The following CACNA2D2 variants were observed in gnomAD, a reference collection of about 807,000 sequenced individuals.
The protein encoded by CACNA2D2 is calcium voltage-gated channel auxiliary subunit alpha2delta 2, also known as voltage-dependent calcium channel subunit alpha-2/delta-2.
A neutral mutation model predicts 166.4 loss-of-function variants in CACNA2D2; 48 were observed. That is an observed-to-expected ratio of 0.29 (90% CI 0.23 to 0.37). The LOEUF is 0.37. Among genes scored for constraint, CACNA2D2 ranks in the 10% least tolerant of loss-of-function variants. The pLI is 1.00. For missense variants in CACNA2D2, 1,122 were observed against 1,433.0 expected, an observed-to-expected ratio of 0.78 and a Z score of 3.50; for synonymous variants, 561 against 573.7, an observed-to-expected ratio of 0.98 and a Z score of 0.32.
At chr3:50,472,654 C>T (rs1450157320) in intron 2 of CACNA2D2, among the ~76,000 whole-genome samples, 2 of 152,188 alleles carry the variant, frequency 1.3e-5, no homozygotes, top group East Asian at 3.8e-4. Flanking sequence ...CCCAGCATTG[C>T]TCCCCCTGGA....
chr3:50,402,167 A>G lies in CACNA2D2; in HGVS notation c.406-7999T>C, dbSNP rs1706481276. On this transcript the variant is annotated intron_variant, in intron 3 of 37. Coordinates refer to ENST00000424201, the MANE Select transcript of CACNA2D2 (RefSeq NM_006030.4). ...AACTGGAACCACAATCAATACAGAA[A>G]GAGGTCGGGTGTGTCCTGGGACAGG... is the stretch of plus-strand genomic sequence containing the variant. Among the ~76,000 whole-genome samples the G allele has an allele frequency of 2.6e-5, 4 of 152,252 alleles. No individual in the cohort carries two copies. In the South Asian group the frequency reaches 8.3e-4, roughly 31 times the overall value.
At chr3:50,462,906 A>C (rs935257269) in intron 2 of CACNA2D2, among the ~76,000 whole-genome samples, 32 of 151,582 alleles carry the variant, frequency 2.1e-4, no homozygotes, top group African/African-American at 6.8e-4. Context: ...AAAAAGAGAG[A>C]GGGAGGCTGG....
chr3:50,379,926 C>G lies in CACNA2D2; in HGVS notation c.893+42G>C. Reference sequence around the variant, plus strand: ...AGGGCAGCAGAGTCTAGCCCATTGCCCGTCCCTGCCCCAGCCCCACTTGCC... The same window carrying G: ...AGGGCAGCAGAGTCTAGCCCATTGCGCGTCCCTGCCCCAGCCCCACTTGCC... On this transcript the variant is annotated intron_variant, in intron 9 of 37. Transcript: ENST00000424201. This position sits in a 1 kb window ranked among gnomAD's most constrained non-coding sequence, Gnocchi z 6.5. 1 of 1,613,732 alleles carries G rather than the reference C, an allele frequency of 6.2e-7. No homozygotes were observed. Among genetic ancestry groups the G allele is most frequent in the Non-Finnish European group, 8.5e-7 (1 of 1,179,784 alleles).
At chr3:50,498,247 C>A (rs977321133) in intron 1 of CACNA2D2, among the ~76,000 whole-genome samples, 1 of 152,176 alleles carries the variant, frequency 6.6e-6, no homozygotes, top group Non-Finnish European at 1.5e-5. Context: ...TAGCAACAAG[C>A]CCTTGAACGC....
intron 2 of CACNA2D2, among the ~76,000 whole-genome samples, chr3:50,435,766 C>T (rs953976509): frequency 2.6e-5 from 4 of 152,164 alleles, no homozygotes; most frequent in Admixed American, 6.5e-5. Context: ...CCCGCCACCC[C>T]CATCCCTCCC....
chr3:50,406,511 C>T (rs143200613), intron 3 of CACNA2D2, among the ~76,000 whole-genome samples: 1 of 151,794 alleles, frequency 6.6e-6, no homozygotes, highest in East Asian at 2.1e-4. Context: ...CTACTCCATT[C>T]ACCATCATCC....
chr3:50,363,601 G>A lies in CACNA2D2; in HGVS notation c.*1065C>T, dbSNP rs1036708840. ...CTGAGTGTGTAAGGGCCAGATTGGCGGAAGGATGGCCCAGCCAGGAGAGAC... is the reference window on the plus strand; with the variant it reads ...CTGAGTGTGTAAGGGCCAGATTGGCAGAAGGATGGCCCAGCCAGGAGAGAC... On this transcript the variant is annotated 3_prime_UTR_variant, in exon 38 of 38. Transcript: ENST00000424201. 4 of 257,690 alleles carry A rather than the reference G, an allele frequency of 1.6e-5. No homozygotes were observed. The highest frequency in any genetic ancestry group is 1.7e-4 in the South Asian group (1 of 5,846). 16.0% of individuals were successfully genotyped at this position (257,690 alleles called of 1,614,324 possible).
At chr3:50,471,063 C>T (rs1710071991) in intron 2 of CACNA2D2, among the ~76,000 whole-genome samples, 1 of 152,170 alleles carries the variant, frequency 6.6e-6, no homozygotes, top group Admixed American at 6.5e-5. Context: ...CCCGCGCTTC[C>T]CCACTGCCCC....
chr3:50,482,845 G>A (rs917830616), intron 1 of CACNA2D2, among the ~76,000 whole-genome samples: 6 of 152,210 alleles, frequency 3.9e-5, no homozygotes, highest in Non-Finnish European at 8.8e-5. Flanking sequence ...CCATGCAAAA[G>A]AGAAGACTCT....
chr3:50,461,160 G>A (rs1709568356), intron 2 of CACNA2D2, among the ~76,000 whole-genome samples: 1 of 152,180 alleles, frequency 6.6e-6, no homozygotes, highest in African/African-American at 2.4e-5. Flanking sequence ...GGTCAGTGTG[G>A]AATTTCTGAA....
At chr3:50,426,003 T>C (rs567708045) in intron 3 of CACNA2D2, among the ~76,000 whole-genome samples, 424 of 152,196 alleles carry the variant, frequency 2.8e-3, no homozygotes, top group Non-Finnish European at 4.7e-3. Context: ...AGGCCCTTGC[T>C]CATGCTCTGC....
At chr3:50,461,393 T>A (rs919322140) in intron 2 of CACNA2D2, among the ~76,000 whole-genome samples, 2 of 152,174 alleles carry the variant, frequency 1.3e-5, no homozygotes, top group African/African-American at 4.8e-5. Flanking sequence ...TTCTGAGACA[T>A]GACAGTCTCC....
intron 3 of CACNA2D2, among the ~76,000 whole-genome samples, chr3:50,410,765 G>A (rs535476667): frequency 2.0e-5 from 3 of 152,376 alleles, no homozygotes; most frequent in South Asian, 2.1e-4. Flanking sequence ...CAAACAAGGT[G>A]ATGTCAGAGG....
intron 2 of CACNA2D2, among the ~76,000 whole-genome samples, chr3:50,460,620 C>T (rs575722264): frequency 1.0e-3 from 159 of 152,024 alleles, no homozygotes; most frequent in Non-Finnish European, 1.8e-3. Flanking sequence ...TTTGGGAGGC[C>T]GAGACAGGAG....
intron 1 of CACNA2D2, among the ~76,000 whole-genome samples, chr3:50,502,768 T>C (rs1329320411): frequency 6.6e-6 from 1 of 152,166 alleles, no homozygotes; most frequent in Admixed American, 6.5e-5. Flanking sequence ...TGTGGAGATG[T>C]CCCTCACCTC....
chr3:50,473,762 T>C (rs1710193900), intron 2 of CACNA2D2, among the ~76,000 whole-genome samples: 2 of 152,152 alleles, frequency 1.3e-5, no homozygotes, highest in Non-Finnish European at 2.9e-5. Flanking sequence ...CCTCTTCCTC[T>C]AGAACTCTAC....
intron 2 of CACNA2D2, among the ~76,000 whole-genome samples, chr3:50,434,658 C>A (rs1444234903): frequency 1.3e-5 from 2 of 152,214 alleles, no homozygotes; most frequent in Non-Finnish European, 1.5e-5. Context: ...CCAGTTTAGG[C>A]TGGTCATTGT....
intron 1 of CACNA2D2, among the ~76,000 whole-genome samples, chr3:50,477,698 G>A (rs1340407593): frequency 6.6e-6 from 1 of 152,184 alleles, no homozygotes; most frequent in Non-Finnish European, 1.5e-5. Flanking sequence ...ATTTAAATAA[G>A]CCATGGGTCA....
chr3:50,372,383 C>A (rs998398594), intron 22 of CACNA2D2, among the ~76,000 whole-genome samples: 1 of 152,214 alleles, frequency 6.6e-6, no homozygotes, highest in African/African-American at 2.4e-5. Flanking sequence ...CGGGGCTCAG[C>A]AAAGCCTCTG....
Sources: gnomAD v4.1 joint callset for allele counts (sites outside exome capture counted in the v4.1 genomes callset) on GRCh38, gnomAD v4.1.1 for gene constraint, Gnocchi (gnomAD v3.1) non-coding constraint, MANE v1.5 for transcripts, NCBI Gene and HGNC (gene_info 2026-07-23, HGNC 2026-07-21) for gene names.